The following SLC4A5 variants were observed in gnomAD, a reference collection of about 807,000 sequenced individuals.
SLC4A5 encodes solute carrier family 4 member 5.
SLC4A5 carries 96 observed loss-of-function variants against 120.4 expected under a neutral mutation model. That is an observed-to-expected ratio of 0.80 (90% CI 0.68 to 0.94). The LOEUF is 0.94. SLC4A5 is among the 40% of genes least tolerant of loss of function. The pLI, the probability that SLC4A5 is intolerant of heterozygous loss-of-function variation, is 0.00. For synonymous variants in SLC4A5, 550 were observed against 571.1 expected (o/e 0.96, Z 0.53); for missense variants, 1,259 against 1,459.5 (o/e 0.86, Z 2.24).
chr2:74,244,327 A>T lies in SLC4A5; in HGVS notation c.2060-2275T>A, dbSNP rs562148986. On this transcript the variant is annotated intron_variant, in intron 19 of 30. Transcript: ENST00000394019. ...ATCAGAATCAATTGGAAGATTCAAT[A>T]TACATCTGCTTGGACCCTACTCCAG... Among the ~76,000 whole-genome samples the T allele has an allele frequency of 5.3e-5, 8 of 152,252 alleles. No individual in the cohort carries two copies. In the South Asian group the frequency reaches 1.7e-3, roughly 32 times the overall value.
Position 74,224,941 on chromosome 2 carries a change from C to CT in SLC4A5, c.3144_3145insA (p.Asp1049ArgfsTer6). 6.2e-7 allele frequency: 1 copy of CT among 1,614,006 alleles called. No individual in the cohort carries two copies. Among genetic ancestry groups the CT allele is most frequent in the Non-Finnish European group, 8.5e-7 (1 of 1,180,016 alleles). ...AGGATGTTGTCAATCCAGGCCAGGTCGTGCTGGGAAAAGATGAAATCCAGA... is the reference window on the plus strand; with the variant it reads ...AGGATGTTGTCAATCCAGGCCAGGTCTGTGCTGGGAAAAGATGAAATCCAGA... On this transcript the variant is annotated frameshift_variant, in exon 28 of 31. Transcript: ENST00000394019. LOFTEE classifies it high-confidence loss of function.
chr2:74,248,091 T>C (rs563599754), intron 18 of SLC4A5, among the ~76,000 whole-genome samples: 8 of 152,322 alleles, frequency 5.3e-5, no homozygotes, highest in South Asian at 4.1e-4. Context: ...CAAGTCACCA[T>C]TGCTCACAAA....
intron 7 of SLC4A5, among the ~76,000 whole-genome samples, chr2:74,289,401 C>A (rs748352867): frequency 6.6e-6 from 1 of 152,082 alleles, no homozygotes; most frequent in Non-Finnish European, 1.5e-5. Context: ...ACTGCAACCT[C>A]CACCACCTGG....
chr2:74,328,651 C>T (rs1021328250), intron 4 of SLC4A5, among the ~76,000 whole-genome samples: 1 of 152,158 alleles, frequency 6.6e-6, no homozygotes, highest in African/African-American at 2.4e-5. Flanking sequence ...CAGGAACCTA[C>T]AGATACGTGG....
At chr2:74,307,920 C>A (rs1449091343) in intron 6 of SLC4A5, 2 of 505,692 alleles carry the variant, frequency 4.0e-6, no homozygotes, top group African/African-American at 2.0e-5. Context: ...GGCCACACTG[C>A]TGACCAGCCA....
intron 6 of SLC4A5, among the ~76,000 whole-genome samples, chr2:74,309,852 C>T (rs906469929): frequency 3.3e-5 from 5 of 151,562 alleles, no homozygotes; most frequent in African/African-American, 1.2e-4. Context: ...TTAGTAGAGA[C>T]GGGGTTTCAC....
chr2:74,329,535 G>T (rs1035050977), intron 4 of SLC4A5, among the ~76,000 whole-genome samples: 25 of 152,172 alleles, frequency 1.6e-4, no homozygotes, highest in Non-Finnish European at 5.9e-5. Context: ...GTTGCAGTGA[G>T]CCAAGATAGT....
At chr2:74,244,732 C>T (rs1239133480) in intron 19 of SLC4A5, among the ~76,000 whole-genome samples, 1 of 152,144 alleles carries the variant, frequency 6.6e-6, no homozygotes, top group Non-Finnish European at 1.5e-5. Flanking sequence ...CAGGTGTGCA[C>T]CACTGTGCCC....
intron 5 of SLC4A5, among the ~76,000 whole-genome samples, chr2:74,316,595 CA>C (rs1672972750): frequency 6.6e-6 from 1 of 152,164 alleles, no homozygotes; most frequent in Non-Finnish European, 1.5e-5. Flanking sequence ...AAACTGTAAA[CA>C]AGACCTAAAG....
At chr2:74,259,557 C>T (rs1420620263) in intron 12 of SLC4A5, 31 bp downstream of exon 12, 12 of 1,612,462 alleles carry the variant, frequency 7.4e-6, no homozygotes, top group African/African-American at 2.7e-5. Context: ...CCCTGGCCCT[C>T]CATTGCAGCT....
intron 15 of SLC4A5, among the ~76,000 whole-genome samples, 175 bp downstream of exon 15, chr2:74,252,799 G>A (rs572313643): frequency 1.2e-4 from 19 of 152,272 alleles, no homozygotes; most frequent in African/African-American, 4.1e-4. Flanking sequence ...TGTTGCCCAG[G>A]CTGGTTTCAA....
At chr2:74,279,672 T>C (rs1435123262) in intron 8 of SLC4A5, among the ~76,000 whole-genome samples, 1 of 151,976 alleles carries the variant, frequency 6.6e-6, no homozygotes. Context: ...CCACTTGGAG[T>C]TTCCTCAAAT....
In SLC4A5 at chr2:74,233,529, G is replaced by A. The variant is rs138829527; in HGVS notation, c.2468C>T (p.Pro823Leu). The A allele has an allele frequency of 3.4e-4, 555 of 1,613,998 alleles. 1 individual carries two copies. In the African/African-American group the frequency reaches 6.7e-3, roughly 19 times the overall value. ...TACCCACCACGGGTTCTTCCCAAAG[G>A]GGGCCACGAACCAGCCTCGGTCAGG... Residue 823 changes from proline to leucine, a missense_variant, in exon 23 of 31, where the codon CCC becomes CTC. Physicochemically the swap from Pro to Leu is moderately conservative, Grantham distance 98. Transcript: ENST00000394019.
chr2:74,298,616 A>G (rs1324234597), intron 7 of SLC4A5, among the ~76,000 whole-genome samples: 1 of 152,226 alleles, frequency 6.6e-6, no homozygotes, highest in African/African-American at 2.4e-5. Context: ...AAAGGAAACA[A>G]TCAACAAAAT....
At chr2:74,290,753 C>G in intron 7 of SLC4A5, 2 of 985,836 alleles carry the variant, frequency 2.0e-6, no homozygotes, top group Non-Finnish European at 2.4e-6. Flanking sequence ...AGCAGGAAGC[C>G]GGGTCTCCAC....
At chr2:74,264,074 G>T (rs764650572) in intron 10 of SLC4A5, 73 bp downstream of exon 10, 1 of 1,531,658 alleles carries the variant, frequency 6.5e-7, no homozygotes, top group Non-Finnish European at 8.8e-7. Flanking sequence ...CCCCTAAGGT[G>T]GGCTCACCCG....
At chr2:74,248,075 G>A (rs1353611234) in intron 18 of SLC4A5, among the ~76,000 whole-genome samples, 3 of 152,150 alleles carry the variant, frequency 2.0e-5, no homozygotes, top group African/African-American at 7.2e-5. Flanking sequence ...ACACTATACT[G>A]CCTATCAAGT....
At chr2:74,253,779 T>C (rs1670869837) in intron 14 of SLC4A5, among the ~76,000 whole-genome samples, 1 of 152,234 alleles carries the variant, frequency 6.6e-6, no homozygotes, top group Admixed American at 6.5e-5. Flanking sequence ...ATCAGAATCA[T>C]CTATTTTGGA....
At chr2:74,284,736 T>A (rs1483435760) in intron 8 of SLC4A5, among the ~76,000 whole-genome samples, 1 of 152,104 alleles carries the variant, frequency 6.6e-6, no homozygotes, top group Non-Finnish European at 1.5e-5. Flanking sequence ...GCACTGGGGA[T>A]ATGAGCAGTG....
Sources: gnomAD v4.1 joint callset for allele counts (sites outside exome capture counted in the v4.1 genomes callset) on GRCh38, gnomAD v4.1.1 for gene constraint, MANE v1.5 for transcripts, NCBI Gene and HGNC (gene_info 2026-07-23, HGNC 2026-07-21) for gene names.